The following RSPH3 variants were observed in gnomAD, a reference collection of about 807,000 sequenced individuals.
RSPH3 encodes the protein radial spoke head protein 3 homolog.
RSPH3 carries 21 observed loss-of-function variants against 43.8 expected under a neutral mutation model. The ratio of observed to expected loss-of-function variants is 0.48; its 90% CI spans 0.34 to 0.69. The LOEUF is 0.69. Ranked by LOEUF, RSPH3 falls within the 30% of genes least tolerant of loss-of-function variation. RSPH3 has a pLI of 0.01. For missense variants in RSPH3, 487 were observed against 516.0 expected (o/e 0.94, Z 0.54); for synonymous variants, 173 against 179.8 (o/e 0.96, Z 0.30).
intron 6 of RSPH3, among the ~76,000 whole-genome samples, chr6:158,980,107 G>A (rs1182114005): frequency 6.6e-6 from 1 of 152,192 alleles, no homozygotes; most frequent in Non-Finnish European, 1.5e-5. Flanking sequence ...AGTTTACACA[G>A]TTTCATATAT....
the RSPH3 span, among the ~76,000 whole-genome samples, chr6:158,966,808 C>T: frequency 2.7e-5 from 4 of 150,606 alleles, no homozygotes; most frequent in African/African-American, 9.7e-5. Context: ...TTTTTCTATT[C>T]TCTATTTCAT....
chr6:158,995,053 T>G (rs898431878), intron 1 of RSPH3, among the ~76,000 whole-genome samples: 2 of 152,144 alleles, frequency 1.3e-5, no homozygotes, highest in African/African-American at 4.8e-5. Flanking sequence ...AGCCTTTGTT[T>G]GCAGTTCCTC....
the RSPH3 span, among the ~76,000 whole-genome samples, chr6:158,965,047 T>A: frequency 3.9e-5 from 6 of 152,152 alleles, no homozygotes; most frequent in Non-Finnish European, 8.8e-5. Flanking sequence ...TTACCATTTA[T>A]TGAAAAGATC....
chr6:158,986,991 G>GAA (rs2030418004), intron 2 of RSPH3, among the ~76,000 whole-genome samples: 1 of 152,186 alleles, frequency 6.6e-6, no homozygotes, highest in Non-Finnish European at 1.5e-5. Flanking sequence ...GGTCTAGTGT[G>GAA]AAGTTTAACA....
At chr6:158,972,423 G>A (rs972146798), downstream of RSPH3, among the ~76,000 whole-genome samples, 73 of 152,200 alleles carry the variant, frequency 4.8e-4, no homozygotes, top group African/African-American at 1.7e-3. Context: ...AGAGCTGGCA[G>A]AGAACTTTAG....
intron 6 of RSPH3, among the ~76,000 whole-genome samples, chr6:158,979,630 A>T (rs1046964360): frequency 1.3e-5 from 2 of 150,832 alleles, no homozygotes; most frequent in African/African-American, 2.4e-5. Context: ...AAATGATATC[A>T]CCTATGAAAA....
At chr6:158,984,021 C>A (rs890066594) in intron 3 of RSPH3, among the ~76,000 whole-genome samples, 2 of 152,018 alleles carry the variant, frequency 1.3e-5, no homozygotes, top group East Asian at 3.9e-4. Flanking sequence ...GTGGTCCCAG[C>A]CACTCGGGAG....
Position 158,982,680 on chromosome 6 carries a change from G to A in RSPH3, c.501C>T (p.Asp167=), listed in dbSNP as rs1045314505. ...ACACTGGTTTAACTTCAAGATCAAA[G>A]TCAAAGAGCTTAAACATACAAAATA... is the stretch of plus-strand genomic sequence containing the variant. ...ATQILEGELF[D]FDLEVKPVLE... The change falls in exon 5 of 8, where the codon GAC becomes GAT. Residue 167 remains aspartate (D), a synonymous_variant. Transcript: ENST00000367069. The A allele has an allele frequency of 1.2e-6, 2 of 1,611,838 alleles. No individual in the cohort carries two copies. The highest frequency in any genetic ancestry group is 1.7e-5 in the Admixed American group (1 of 59,898).
downstream of RSPH3, among the ~76,000 whole-genome samples, chr6:158,969,792 C>G (rs1212113860): frequency 6.6e-6 from 1 of 152,178 alleles, no homozygotes; most frequent in Non-Finnish European, 1.5e-5. Flanking sequence ...TATTAAGGCC[C>G]TGAAGAAAAT....
chr6:158,977,294 A>G lies in RSPH3; in HGVS notation c.*244T>C. 1 of 442,976 alleles carries G rather than the reference A, an allele frequency of 2.3e-6. No homozygotes were observed. The allele number at this position is 442,976 out of a possible 1,614,324, so 27.4% of individuals were successfully genotyped here. A position where few individuals can be genotyped will look rare whatever the true frequency, so the allele number is the denominator to read the frequency against. ...CATATAATGGTAATAGAAAGCTAGTAATTAAATATAATTCTCATTAGAATT... is the reference window on the plus strand; with the variant it reads ...CATATAATGGTAATAGAAAGCTAGTGATTAAATATAATTCTCATTAGAATT... On this transcript the variant is annotated 3_prime_UTR_variant, in exon 8 of 8. Transcript: ENST00000367069.
At chr6:158,967,901 T>C (rs1733743405), downstream of RSPH3, among the ~76,000 whole-genome samples, 1 of 152,204 alleles carries the variant, frequency 6.6e-6, no homozygotes, top group African/African-American at 2.4e-5. Context: ...CAGCTCTTTT[T>C]TGGTTACTGT....
At chr6:158,966,297 C>T in the RSPH3 span, among the ~76,000 whole-genome samples, 1 of 152,086 alleles carries the variant, frequency 6.6e-6, no homozygotes, top group African/African-American at 2.4e-5. Flanking sequence ...CTACAGTTTT[C>T]TTGTGATGTC....
the RSPH3 span, among the ~76,000 whole-genome samples, chr6:158,967,185 AT>A: frequency 2.0e-5 from 3 of 149,134 alleles, no homozygotes; most frequent in Non-Finnish European, 3.0e-5. Flanking sequence ...TAATTTTTGT[AT>A]TTTTTTTTGT....
chr6:158,998,858 G>A (rs1020381323), intron 1 of RSPH3, among the ~76,000 whole-genome samples: 13 of 151,806 alleles, frequency 8.6e-5, no homozygotes, highest in Non-Finnish European at 1.9e-4. Flanking sequence ...CGACAAGAGC[G>A]AAACTCCGTC....
In RSPH3 at chr6:158,977,584, T is replaced by A. The variant is rs762354584; in HGVS notation, c.1211A>T (p.Glu404Val). Reference protein sequence around the residue: ...MEERELLGQDEETAMRKSLGE... With the variant: ...MEERELLGQDVETAMRKSLGE... The stretch of plus-strand genomic sequence containing the variant: ...TAAGGACTTCCTCATTGCTGTTTCT[T>A]CATCTTGCCCTAAGAGTTCTCTCTC... The change falls in exon 8 of 8, where the codon GAA (glutamate) becomes GTA (valine). Residue 404 changes from glutamate (E) to valine (V), a missense_variant. By Grantham distance (121) the Glu-to-Val change is moderately radical (BLOSUM62 -2). Coordinates refer to ENST00000367069, the MANE Select transcript of RSPH3 (RefSeq NM_031924.8). 6.2e-7 allele frequency: 1 copy of A among 1,613,868 alleles called. No individual in the cohort carries two copies. Among genetic ancestry groups the A allele is most frequent in the East Asian group, 2.2e-5 (1 of 44,878 alleles).
rs769781953 is a variant in RSPH3 at position 158,999,502 on chromosome 6, T to G, written c.49A>C (p.Thr17Pro). The change falls in exon 1 of 8, where the codon ACC becomes CCC. Residue 17 changes from threonine (T) to proline (P), a missense_variant. Physicochemically the swap from Thr to Pro is conservative, Grantham distance 38. Coordinates refer to ENST00000367069, the MANE Select transcript of RSPH3 (RefSeq NM_031924.8). ...DRTSRAPSTY[T>P]YTSRPRALPC... ...AGTGCTCGGGGCCGGCTGGTGTAGG[T>G]GTAGGTGCTCGGGGCCCGAGAGGTG... 1 of 1,552,476 alleles carries G rather than the reference T, an allele frequency of 6.4e-7. No homozygotes were observed. Among genetic ancestry groups the G allele is most frequent in the Non-Finnish European group, 8.7e-7 (1 of 1,146,806 alleles).
chr6:158,981,461 C>T (rs115652665), intron 5 of RSPH3, among the ~76,000 whole-genome samples: 2,873 of 152,244 alleles, frequency 0.019, 88 homozygotes, highest in African/African-American at 0.065. Context: ...AGCATTAATA[C>T]GTTTTCTAAT....
At chr6:158,969,110 C>T (rs1478224728), downstream of RSPH3, among the ~76,000 whole-genome samples, 1 of 152,076 alleles carries the variant, frequency 6.6e-6, no homozygotes, top group Non-Finnish European at 1.5e-5. Context: ...ATTGGTGCTC[C>T]TTATTTCTTA....
the RSPH3 span, among the ~76,000 whole-genome samples, chr6:158,967,357 C>G: frequency 6.6e-6 from 1 of 152,090 alleles, no homozygotes; most frequent in African/African-American, 2.4e-5. Context: ...TCCTTTGAAC[C>G]ATTTATTATT....
Sources: gnomAD v4.1 joint callset for allele counts (sites outside exome capture counted in the v4.1 genomes callset) on GRCh38, gnomAD v4.1.1 for gene constraint, MANE v1.5 for transcripts, NCBI Gene and HGNC (gene_info 2026-07-23, HGNC 2026-07-21) for gene names.